Variants in ZCCHC7 observed in about 807,000 individuals in gnomAD.
The protein encoded by ZCCHC7 is zinc finger CCHC-type containing 7, also known as zinc finger CCHC domain-containing protein 7.
In ZCCHC7, 35 loss-of-function variants were observed where a neutral mutation model predicts 52.0. That is an observed-to-expected ratio of 0.67 (90% CI 0.51 to 0.89). ZCCHC7 has a LOEUF of 0.89. Among genes scored for constraint, ZCCHC7 ranks in the 40% least tolerant of loss-of-function variants. ZCCHC7 has a pLI of 0.00. For synonymous variants in ZCCHC7, 217 were observed against 221.5 expected, an observed-to-expected ratio of 0.98 and a Z score of 0.18; for missense variants, 574 against 649.1, an observed-to-expected ratio of 0.88 and a Z score of 1.26.
Position 37,356,902 on chromosome 9 carries a change from C to A in ZCCHC7, c.1266C>A (p.Asn422Lys), listed in dbSNP as rs773382279. ...KLPYIKAANENPHHDIRKGRA... is the reference protein window; with the variant it reads ...KLPYIKAANEKPHHDIRKGRA... Reference sequence around the variant, plus strand: ...CTTATATAAAAGCAGCAAATGAGAACCCCCACCATGATATAAGGAAGGGCC... The same window carrying A: ...CTTATATAAAAGCAGCAAATGAGAAACCCCACCATGATATAAGGAAGGGCC... The change falls in exon 9 of 9, where the codon AAC becomes AAA. Residue 422 changes from asparagine (N) to lysine (K), a missense_variant. Transcript: ENST00000336755. 5 of 1,613,350 alleles carry A rather than the reference C, an allele frequency of 3.1e-6. No individual in the cohort carries two copies. Among genetic ancestry groups the A allele is most frequent in the East Asian group, 2.2e-5 (1 of 44,868 alleles).
rs548999873 is a variant in ZCCHC7 at position 37,282,332 on chromosome 9, G to A, written c.611-19856G>A. On this transcript the variant is annotated intron_variant, in intron 2 of 8. Coordinates refer to ENST00000336755, the MANE Select transcript of ZCCHC7 (RefSeq NM_032226.3). ...TAAAAGTTTAAACAAGGCCGGGCAT[G>A]GTGGCTCACGCCTGTAATCCCAGCA... 2.4e-4 allele frequency among the ~76,000 whole-genome samples: 37 copies of A among 152,200 alleles called. No individual in the cohort carries two copies. The South Asian group carries it at 6.8e-3, about 28-fold the overall frequency.
At chr9:37,345,669 G>A (rs187804954) in intron 6 of ZCCHC7, among the ~76,000 whole-genome samples, 10 of 150,962 alleles carry the variant, frequency 6.6e-5, no homozygotes, top group African/African-American at 9.7e-5. Context: ...GCAGTGAGCC[G>A]AGATCGTGCC....
chr9:37,273,481 C>T (rs767039563), intron 2 of ZCCHC7, among the ~76,000 whole-genome samples: 1 of 152,148 alleles, frequency 6.6e-6, no homozygotes, highest in Non-Finnish European at 1.5e-5. Context: ...CCAGCCTGGG[C>T]AACAGAGCGA....
At chr9:37,233,007 G>A (rs557141243) in intron 2 of ZCCHC7, among the ~76,000 whole-genome samples, 38 of 152,252 alleles carry the variant, frequency 2.5e-4, no homozygotes, top group African/African-American at 8.9e-4. Flanking sequence ...GTTGGCTTAA[G>A]GGTTTAAAGT....
chr9:37,233,782 A>G (rs1825513866), intron 2 of ZCCHC7, among the ~76,000 whole-genome samples: 1 of 152,218 alleles, frequency 6.6e-6, no homozygotes, highest in South Asian at 2.1e-4. Flanking sequence ...GGAGGGTTTT[A>G]GAAACCCAAA....
At chr9:37,189,291 T>A (rs1267731271) in intron 2 of ZCCHC7, among the ~76,000 whole-genome samples, 2 of 152,048 alleles carry the variant, frequency 1.3e-5, no homozygotes, top group Non-Finnish European at 2.9e-5. Flanking sequence ...TTTTCCTGAT[T>A]CTTCATTTGT....
At chr9:37,341,674 C>T (rs774069768) in intron 6 of ZCCHC7, among the ~76,000 whole-genome samples, 3 of 151,976 alleles carry the variant, frequency 2.0e-5, no homozygotes, top group Non-Finnish European at 4.4e-5. Context: ...ATAGGGAGTA[C>T]AGATTGGAGG....
At chr9:37,254,449 A>G (rs575415941) in intron 2 of ZCCHC7, among the ~76,000 whole-genome samples, 34 of 151,922 alleles carry the variant, frequency 2.2e-4, no homozygotes, top group Non-Finnish European at 4.9e-4. Flanking sequence ...GCTCATTGTC[A>G]TTTTGAGGAT....
At chr9:37,281,000 G>A (rs913490265) in intron 2 of ZCCHC7, among the ~76,000 whole-genome samples, 2 of 152,142 alleles carry the variant, frequency 1.3e-5, no homozygotes, top group Non-Finnish European at 2.9e-5. Context: ...GGATAGGCAG[G>A]TAAATAGAGT....
chr9:37,236,272 G>T (rs1825644263), intron 2 of ZCCHC7, among the ~76,000 whole-genome samples: 1 of 152,122 alleles, frequency 6.6e-6, no homozygotes. Context: ...ATTGTGGGAA[G>T]ATAACTTTAT....
chr9:37,186,396 A>G (rs1822657176), intron 2 of ZCCHC7, among the ~76,000 whole-genome samples: 1 of 152,208 alleles, frequency 6.6e-6, no homozygotes, highest in Non-Finnish European at 1.5e-5. Flanking sequence ...GGATTTTCAT[A>G]AACTTTTATC....
At chr9:37,321,480 C>G (rs1241799567) in intron 5 of ZCCHC7, among the ~76,000 whole-genome samples, 1 of 152,092 alleles carries the variant, frequency 6.6e-6, no homozygotes. Flanking sequence ...AATTATCTTA[C>G]CAGGTTGGGT....
chr9:37,138,025 A>G lies in ZCCHC7; in HGVS notation c.610+11083A>G, dbSNP rs1025081164. 3.3e-5 allele frequency among the ~76,000 whole-genome samples: 5 copies of G among 152,318 alleles called. No individual in the cohort carries two copies. In the South Asian group the frequency reaches 6.2e-4, roughly 19 times the overall value. ...AGAATTCCAGTCACCAGGAGCATCA[A>G]GGAGCTCCCTCTCTGATGTTTTCAG... On this transcript the variant is annotated intron_variant, in intron 2 of 8. Transcript: ENST00000336755.
At chr9:37,176,451 A>G (rs1822036745) in intron 2 of ZCCHC7, among the ~76,000 whole-genome samples, 2 of 152,160 alleles carry the variant, frequency 1.3e-5, no homozygotes, top group African/African-American at 2.4e-5. Flanking sequence ...TTCAGTACAG[A>G]AATGAGTCCC....
chr9:37,346,749 A>C (rs1820999195), intron 6 of ZCCHC7, among the ~76,000 whole-genome samples: 1 of 152,166 alleles, frequency 6.6e-6, no homozygotes, highest in African/African-American at 2.4e-5. Flanking sequence ...GCCAAGGTGA[A>C]AGGATCACTT....
At chr9:37,268,780 A>G (rs1306865136) in intron 2 of ZCCHC7, among the ~76,000 whole-genome samples, 1 of 152,128 alleles carries the variant, frequency 6.6e-6, no homozygotes, top group African/African-American at 2.4e-5. Context: ...GTGAAACTTT[A>G]TTGTTGTCAA....
At chr9:37,206,875 T>C (rs1362746590) in intron 2 of ZCCHC7, among the ~76,000 whole-genome samples, 1 of 151,868 alleles carries the variant, frequency 6.6e-6, no homozygotes, top group East Asian at 1.9e-4. Context: ...TCTGTGTGTC[T>C]AAAAGTGTTT....
At chr9:37,285,142 C>A (rs1407830335) in intron 2 of ZCCHC7, among the ~76,000 whole-genome samples, 1 of 151,922 alleles carries the variant, frequency 6.6e-6, no homozygotes, top group Non-Finnish European at 1.5e-5. Flanking sequence ...AGATATCCAG[C>A]GCTTGGATTT....
intron 6 of ZCCHC7, among the ~76,000 whole-genome samples, chr9:37,344,347 C>T (rs1160900804): frequency 6.6e-6 from 1 of 152,214 alleles, no homozygotes; most frequent in African/African-American, 2.4e-5. Context: ...CCATCATGGG[C>T]ATCCCATGCC....
Sources: gnomAD v4.1 joint callset for allele counts (sites outside exome capture counted in the v4.1 genomes callset) on GRCh38, gnomAD v4.1.1 for gene constraint, MANE v1.5 for transcripts, NCBI Gene and HGNC (gene_info 2026-07-23, HGNC 2026-07-21) for gene names.